Variants in CDH12 observed in about 807,000 individuals in gnomAD.
The protein encoded by CDH12 is cadherin-12.
CDH12 carries 41 observed loss-of-function variants against 74.1 expected under a neutral mutation model. The observed-to-expected ratio is 0.55, with a 90% CI of 0.43 to 0.72. CDH12 has a LOEUF of 0.72. Among genes scored for constraint, CDH12 ranks in the 30% least tolerant of loss-of-function variants. The pLI, the probability that CDH12 is intolerant of heterozygous loss-of-function variation, is 0.00. For synonymous variants in CDH12, 399 were observed against 355.0 expected (o/e 1.12, Z -1.39); for missense variants, 945 against 977.2 (o/e 0.97, Z 0.44).
chr5:22,561,252 C>A (rs1277493199), intron 1 of CDH12, among the ~76,000 whole-genome samples: 1 of 151,920 alleles, frequency 6.6e-6, no homozygotes, highest in Admixed American at 6.6e-5. Flanking sequence ...GGACTAAGAG[C>A]ATAAATATAA....
At chr5:22,660,698 A>G (rs1199739043) in intron 1 of CDH12, among the ~76,000 whole-genome samples, 3 of 152,192 alleles carry the variant, frequency 2.0e-5, no homozygotes, top group African/African-American at 7.2e-5. Context: ...GATTACAGGC[A>G]TGAGCCACTG....
At chr5:22,451,237 T>C (rs962582689) in intron 2 of CDH12, among the ~76,000 whole-genome samples, 3 of 151,946 alleles carry the variant, frequency 2.0e-5, no homozygotes, top group African/African-American at 7.2e-5. Context: ...AGAGAGTAAG[T>C]GATCAAATGA....
intron 4 of CDH12, among the ~76,000 whole-genome samples, chr5:22,150,023 G>C (rs4510546): frequency 2.6e-5 from 4 of 151,684 alleles, no homozygotes; most frequent in Admixed American, 6.6e-5. Context: ...AAAATATTTC[G>C]CTCATAAATT....
intron 4 of CDH12, among the ~76,000 whole-genome samples, chr5:22,181,487 C>T (rs1749644063): frequency 6.6e-6 from 1 of 152,136 alleles, no homozygotes. Flanking sequence ...TATTCTCTCC[C>T]TACATAAGCA....
At chr5:21,769,206 T>G (rs954878278) in intron 11 of CDH12, among the ~76,000 whole-genome samples, 1 of 152,100 alleles carries the variant, frequency 6.6e-6, no homozygotes, top group Non-Finnish European at 1.5e-5. Context: ...GAATATGTGC[T>G]CTTGAAATAT....
intron 1 of CDH12, among the ~76,000 whole-genome samples, chr5:22,638,369 A>C (rs186981974): frequency 7.2e-5 from 11 of 152,112 alleles, no homozygotes; most frequent in Non-Finnish European, 1.5e-4. Flanking sequence ...TGTAGGTCCC[A>C]GAGTCCGAAA....
intron 6 of CDH12, among the ~76,000 whole-genome samples, chr5:21,894,072 C>T (rs115459720): frequency 0.014 from 2,118 of 152,146 alleles, 17 homozygotes; most frequent in Middle Eastern, 0.034. Context: ...TAGAATGGTA[C>T]TAGCATAAAG....
chr5:22,298,446 A>ATG, intron 3 of CDH12, among the ~76,000 whole-genome samples: 1 of 152,204 alleles, frequency 6.6e-6, no homozygotes, highest in East Asian at 1.9e-4. Context: ...GCTTTTATAT[A>ATG]TTATTGTATA....
chr5:22,023,948 T>C (rs1738169925), intron 5 of CDH12, among the ~76,000 whole-genome samples: 1 of 152,074 alleles, frequency 6.6e-6, no homozygotes, highest in African/African-American at 2.4e-5. Flanking sequence ...CAGATTTAAA[T>C]TCACAGCTCA....
chr5:22,116,315 A>G (rs1745095241), intron 4 of CDH12, among the ~76,000 whole-genome samples: 1 of 152,198 alleles, frequency 6.6e-6, no homozygotes, highest in African/African-American at 2.4e-5. Flanking sequence ...TCAGTCCCAC[A>G]GTTGAATTTA....
At chr5:22,652,318 A>C (rs186339229) in intron 1 of CDH12, among the ~76,000 whole-genome samples, 104 of 152,234 alleles carry the variant, frequency 6.8e-4, no homozygotes, top group African/African-American at 2.4e-3. Context: ...AGTTAAAATT[A>C]CATGTGATAT....
chr5:22,551,983 T>C (rs1738595501), intron 1 of CDH12, among the ~76,000 whole-genome samples: 1 of 108,224 alleles, frequency 9.2e-6, no homozygotes, highest in Admixed American at 1.4e-4. Flanking sequence ...TTTCCTATTG[T>C]TGTTTTTTGG....
Position 22,152,655 on chromosome 5 carries a change from T to C in CDH12, c.-187+59843A>G, listed in dbSNP as rs542848373. Among the ~76,000 whole-genome samples, 10 of 152,320 alleles carry C rather than the reference T, an allele frequency of 6.6e-5. No homozygotes were observed. In the East Asian group the frequency reaches 1.9e-3, roughly 29 times the overall value. ...AACAGTTAATATCCACTCTCAACATTTTCCAAGAATACAATATATTACTAA... is the reference window on the plus strand; with the variant it reads ...AACAGTTAATATCCACTCTCAACATCTTCCAAGAATACAATATATTACTAA... On this transcript the variant is annotated intron_variant, in intron 4 of 14. Transcript: ENST00000382254.
chr5:22,169,851 T>C (rs1359186272), intron 4 of CDH12, among the ~76,000 whole-genome samples: 2 of 151,872 alleles, frequency 1.3e-5, no homozygotes, highest in Non-Finnish European at 2.9e-5. Flanking sequence ...GGTCATAGAT[T>C]TAGGAAGTGG....
intron 3 of CDH12, among the ~76,000 whole-genome samples, chr5:22,297,662 C>T (rs1737691470): frequency 6.6e-6 from 1 of 152,106 alleles, no homozygotes; most frequent in Non-Finnish European, 1.5e-5. Flanking sequence ...GAAGTACATT[C>T]AATGGGATTA....
At chr5:22,431,683 C>T (rs930892814) in intron 2 of CDH12, among the ~76,000 whole-genome samples, 4 of 152,160 alleles carry the variant, frequency 2.6e-5, no homozygotes, top group Admixed American at 2.6e-4. Context: ...AGGTGAAAGA[C>T]AGTGATGTTG....
chr5:21,894,605 TGAAA>T (rs1232510665), intron 6 of CDH12, among the ~76,000 whole-genome samples: 1 of 152,138 alleles, frequency 6.6e-6, no homozygotes, highest in African/African-American at 2.4e-5. Flanking sequence ...ATATGCAGTT[TGAAA>T]GAAAGAAAAT....
chr5:22,029,465 C>T (rs1212566186), intron 5 of CDH12, among the ~76,000 whole-genome samples: 2 of 151,322 alleles, frequency 1.3e-5, no homozygotes, highest in Admixed American at 6.6e-5. Flanking sequence ...TATGAACAGA[C>T]ACTTCTCAAA....
chr5:22,340,773 A>C lies in CDH12; in HGVS notation c.-333+64484T>G, dbSNP rs536915533. Among the ~76,000 whole-genome samples the C allele has an allele frequency of 1.8e-4, 28 of 152,294 alleles. No homozygotes were observed. The East Asian group carries it at 5.0e-3, about 27-fold the overall frequency. ...TACTTTTACTATCATGGATGGTAATAGTAAATTTCTCTGGGAGGTTTTCCT... is the reference window on the plus strand; with the variant it reads ...TACTTTTACTATCATGGATGGTAATCGTAAATTTCTCTGGGAGGTTTTCCT... On this transcript the variant is annotated intron_variant, in intron 3 of 14. Coordinates refer to ENST00000382254, the MANE Select transcript of CDH12 (RefSeq NM_004061.5).
Sources: allele counts gnomAD v4.1 joint callset (sites outside exome capture counted in the v4.1 genomes callset), GRCh38; gene constraint gnomAD v4.1.1; transcripts MANE v1.5; gene names NCBI Gene and HGNC (gene_info 2026-07-23, HGNC 2026-07-21).